The following LMBR1 variants were observed in gnomAD, a reference collection of about 807,000 sequenced individuals.
LMBR1 encodes limb region 1 protein homolog.
A neutral mutation model predicts 73.9 loss-of-function variants in LMBR1; 52 were observed. The observed-to-expected ratio is 0.70, with a 90% CI of 0.56 to 0.89. The LOEUF is 0.89. LMBR1 is among the 40% of genes least tolerant of loss of function. The pLI, the probability that LMBR1 is intolerant of heterozygous loss-of-function variation, is 0.00. For missense variants in LMBR1, 539 were observed against 579.8 expected (o/e 0.93, Z 0.72); for synonymous variants, 215 against 209.4 (o/e 1.03, Z -0.23).
At chr7:156,801,784 A>G (rs1350591661) in intron 4 of LMBR1, among the ~76,000 whole-genome samples, 1 of 152,064 alleles carries the variant, frequency 6.6e-6, no homozygotes, top group Non-Finnish European at 1.5e-5. Context: ...CACTCACCTC[A>G]GCCTCCCAAA....
chr7:156,811,379 A>T (rs1215456856), intron 4 of LMBR1, among the ~76,000 whole-genome samples: 1 of 151,878 alleles, frequency 6.6e-6, no homozygotes, highest in African/African-American at 2.4e-5. Flanking sequence ...TGGGAGGCCG[A>T]GGCAGGTGGA....
chr7:156,788,464 G>C (rs1272677202), intron 5 of LMBR1, among the ~76,000 whole-genome samples: 1 of 151,776 alleles, frequency 6.6e-6, no homozygotes, highest in Non-Finnish European at 1.5e-5. Flanking sequence ...CTATGACTAG[G>C]AATTTTTTAA....
intron 3 of LMBR1, 174 bp downstream of exon 3, chr7:156,833,579 A>AGAACCAG (rs147267255): frequency 1.8e-6 from 1 of 567,886 alleles, no homozygotes; most frequent in Non-Finnish European, 3.1e-6. Flanking sequence ...CCAATAGGAG[A>AGAACCAG]TTGGATTATC....
intron 1 of LMBR1, 62 bp downstream of exon 1, chr7:156,892,851 ACCGGGGGCCCGGGGG>A: frequency 2.8e-6 from 3 of 1,059,122 alleles, no homozygotes; most frequent in South Asian, 4.1e-5. Context: ...GGGTCCGGGG[ACCGGGGGCCCGGGGG>A]CGGGGACGGA....
In LMBR1 at chr7:156,736,967, A is replaced by G. The variant is rs889901075; in HGVS notation, c.758-2710T>C. ...TGAAGAAATTTCCCCCAGTGTCTTTAGACCTGCCCACCCCAGATGGACTGC... is the reference window on the plus strand; with the variant it reads ...TGAAGAAATTTCCCCCAGTGTCTTTGGACCTGCCCACCCCAGATGGACTGC... On this transcript the variant is annotated intron_variant, in intron 9 of 16. Transcript: ENST00000353442. Among the ~76,000 whole-genome samples, 4 of 152,090 alleles carry G rather than the reference A, an allele frequency of 2.6e-5. No homozygotes were observed. The South Asian group carries it at 6.2e-4, about 24-fold the overall frequency.
intron 1 of LMBR1, among the ~76,000 whole-genome samples, chr7:156,854,645 C>G (rs369463979): frequency 6.6e-6 from 1 of 152,210 alleles, no homozygotes; most frequent in African/African-American, 2.4e-5. Context: ...CTTCAGCCCC[C>G]TCTAGCCTTC....
intron 1 of LMBR1, among the ~76,000 whole-genome samples, chr7:156,859,735 C>T (rs1446366686): frequency 6.6e-6 from 1 of 152,178 alleles, no homozygotes; most frequent in East Asian, 1.9e-4. Context: ...CCAATCTACT[C>T]TACAGATTCA....
intron 4 of LMBR1, among the ~76,000 whole-genome samples, chr7:156,805,584 T>C (rs1585912687): frequency 1.3e-5 from 2 of 152,338 alleles, no homozygotes; most frequent in East Asian, 1.9e-4. Flanking sequence ...CCTCTAACTT[T>C]GTTATCTTTC....
At chr7:156,704,602 GA>G (rs34052800) in intron 15 of LMBR1, among the ~76,000 whole-genome samples, 3,782 of 144,468 alleles carry the variant, frequency 0.026, 160 homozygotes, top group African/African-American at 0.091. Context: ...GATCCTAACT[GA>G]AAAAAAAAAA....
intron 15 of LMBR1, among the ~76,000 whole-genome samples, chr7:156,707,884 G>A (rs1463548180): frequency 6.6e-6 from 1 of 152,038 alleles, no homozygotes; most frequent in Non-Finnish European, 1.5e-5. Flanking sequence ...TTGGTAAAGA[G>A]GAGGTTAAGT....
At chr7:156,870,162 A>AG (rs1799062227) in intron 1 of LMBR1, among the ~76,000 whole-genome samples, 2 of 152,326 alleles carry the variant, frequency 1.3e-5, no homozygotes, top group African/African-American at 4.8e-5. Context: ...ACATCCAGAC[A>AG]GAAGATCAAT....
At chr7:156,734,601 C>T (rs1483997801) in intron 9 of LMBR1, among the ~76,000 whole-genome samples, 1 of 152,102 alleles carries the variant, frequency 6.6e-6, no homozygotes, top group East Asian at 1.9e-4. Flanking sequence ...ACTATACATC[C>T]ATGTAACCCA....
intron 9 of LMBR1, among the ~76,000 whole-genome samples, chr7:156,749,926 T>G (rs1392866428): frequency 6.6e-6 from 1 of 152,078 alleles, no homozygotes; most frequent in Non-Finnish European, 1.5e-5. Context: ...CAACCTCAGG[T>G]GATCTGCCTG....
chr7:156,888,042 A>G (rs1343220309), intron 1 of LMBR1, among the ~76,000 whole-genome samples: 1 of 152,086 alleles, frequency 6.6e-6, no homozygotes, highest in Non-Finnish European at 1.5e-5. Flanking sequence ...AGAACCAGAA[A>G]CTCTGGCTCC....
chr7:156,693,282 CAA>C (rs1807608626), intron 15 of LMBR1, among the ~76,000 whole-genome samples: 1 of 151,668 alleles, frequency 6.6e-6, no homozygotes, highest in Non-Finnish European at 1.5e-5. Flanking sequence ...AAACTAAACC[CAA>C]AGTTAGCAGA....
At chr7:156,879,944 A>T (rs190282526) in intron 1 of LMBR1, among the ~76,000 whole-genome samples, 2 of 152,318 alleles carry the variant, frequency 1.3e-5, no homozygotes, top group East Asian at 1.9e-4. Flanking sequence ...CAGTGTGGAG[A>T]TTTGTTAAAG....
chr7:156,886,702 C>T (rs1045212648), intron 1 of LMBR1, among the ~76,000 whole-genome samples: 3 of 151,992 alleles, frequency 2.0e-5, no homozygotes, highest in Admixed American at 6.6e-5. Context: ...CTTGTTTAGC[C>T]GCTAGAAAAA....
At chr7:156,809,002 T>C (rs1200700222) in intron 4 of LMBR1, among the ~76,000 whole-genome samples, 2 of 152,248 alleles carry the variant, frequency 1.3e-5, no homozygotes, top group Non-Finnish European at 2.9e-5. Context: ...AAATTCATAA[T>C]ACATTGTTAC....
At chr7:156,758,385 C>A (rs920032847) in intron 8 of LMBR1, among the ~76,000 whole-genome samples, 1 of 152,194 alleles carries the variant, frequency 6.6e-6, no homozygotes, top group Non-Finnish European at 1.5e-5. Context: ...CTTATCACCA[C>A]GGGTATGTCT....
Sources: allele counts gnomAD v4.1 joint callset (sites outside exome capture counted in the v4.1 genomes callset), GRCh38; gene constraint gnomAD v4.1.1; transcripts MANE v1.5; gene names NCBI Gene and HGNC (gene_info 2026-07-23, HGNC 2026-07-21).